PLCH1: variants seen among roughly 807,000 people sequenced by gnomAD.
PLCH1 encodes 1-phosphatidylinositol 4,5-bisphosphate phosphodiesterase eta-1.
Under a neutral mutation model 126.7 loss-of-function variants are expected in PLCH1, and 60 were observed. That is an observed-to-expected ratio of 0.47 (90% CI 0.38 to 0.59). PLCH1 has a LOEUF of 0.59. PLCH1 is among the 20% of genes least tolerant of loss of function. The pLI, the probability that PLCH1 is intolerant of heterozygous loss-of-function variation, is 0.00. For synonymous variants in PLCH1, 719 were observed against 734.9 expected (o/e 0.98, Z 0.35); for missense variants, 1,723 against 2,040.0 (o/e 0.84, Z 2.99).
intron 2 of PLCH1, among the ~76,000 whole-genome samples, chr3:155,695,282 G>C (rs1745710680): frequency 6.6e-6 from 1 of 152,180 alleles, no homozygotes; most frequent in Non-Finnish European, 1.5e-5. Flanking sequence ...TTATGCATTT[G>C]TAATATACAG....
intron 11 of PLCH1, among the ~76,000 whole-genome samples, chr3:155,523,005 C>T (rs545020741): frequency 3.3e-5 from 5 of 151,616 alleles, no homozygotes; most frequent in African/African-American, 9.7e-5. Flanking sequence ...GACGGAGTCT[C>T]GCTCTGTCGC....
At chr3:155,546,703 G>T (rs4680191) in intron 10 of PLCH1, among the ~76,000 whole-genome samples, 118,442 of 146,954 alleles carry the variant, frequency 0.81, 49,530 homozygotes, top group Middle Eastern at 0.95. Flanking sequence ...ATAGATCAAT[G>T]GAACAGAACA....
chr3:155,574,890 G>A (rs1729717384), intron 6 of PLCH1, among the ~76,000 whole-genome samples: 1 of 152,080 alleles, frequency 6.6e-6, no homozygotes, highest in African/African-American at 2.4e-5. Flanking sequence ...CAGCACTTTG[G>A]GAGGCCAAGG....
chr3:155,570,749 T>A (rs976520830), intron 6 of PLCH1, among the ~76,000 whole-genome samples: 13 of 152,188 alleles, frequency 8.5e-5, no homozygotes. Context: ...TGACTTCAAG[T>A]CCAAAGCACT....
At chr3:155,634,365 T>C (rs1738466536) in intron 2 of PLCH1, among the ~76,000 whole-genome samples, 1 of 152,098 alleles carries the variant, frequency 6.6e-6, no homozygotes, top group African/African-American at 2.4e-5. Flanking sequence ...GGAATAAGCA[T>C]TGCGCAAGGT....
intron 1 of PLCH1, among the ~76,000 whole-genome samples, chr3:155,709,110 G>A (rs1746903087): frequency 6.6e-6 from 1 of 152,164 alleles, no homozygotes; most frequent in African/African-American, 2.4e-5. Context: ...TGGCTTGAGA[G>A]CTCATTTCAT....
chr3:155,511,873 G>A (rs531073724), intron 12 of PLCH1, among the ~76,000 whole-genome samples: 22 of 152,190 alleles, frequency 1.4e-4, no homozygotes, highest in Admixed American at 4.6e-4. Context: ...GTTGTGGTGG[G>A]CTCCACCCAG....
At position 155,485,487 on chromosome 3, in the gene PLCH1, A is replaced by T; in HGVS notation, c.2843T>A (p.Val948Glu). 6.2e-7 allele frequency: 1 copy of T among 1,614,184 alleles called. No individual in the cohort carries two copies. The highest frequency in any genetic ancestry group is 8.5e-7 in the Non-Finnish European group (1 of 1,180,028). ...VSEATRDQDG[V>E]LRRTTRSLQA... ...CAAACTGCGTGTGGTCCTCCTCAGC[A>T]CGCCATCTTGATCTCTTGTGGCCTC... The change falls in exon 22 of 23, where the codon GTG (valine) becomes GAG (glutamate). Residue 948 changes from valine to glutamate, a missense_variant. This residue lies in a region of PLCH1 where 947 missense variants were observed against 977.1 expected (regional missense o/e 0.97). Transcript: ENST00000460012.
At chr3:155,729,278 C>A (rs1448883793) in intron 1 of PLCH1, among the ~76,000 whole-genome samples, 1 of 152,194 alleles carries the variant, frequency 6.6e-6, no homozygotes, top group Non-Finnish European at 1.5e-5. Flanking sequence ...CCTGTCCTCC[C>A]TACCCCTTCT....
At chr3:155,633,412 TCACACACACACACACACACA>T (rs59152066) in intron 2 of PLCH1, among the ~76,000 whole-genome samples, 1 of 142,356 alleles carries the variant, frequency 7.0e-6, no homozygotes, top group African/African-American at 2.6e-5. Flanking sequence ...TTATATAACA[TCACACACACACACACACACA>T]CACACACACA....
intron 2 of PLCH1, among the ~76,000 whole-genome samples, chr3:155,627,617 G>C (rs1737476227): frequency 6.8e-6 from 1 of 146,846 alleles, no homozygotes; most frequent in South Asian, 2.2e-4. Flanking sequence ...TTGGACGACA[G>C]AGCAAGACTC....
intron 2 of PLCH1, among the ~76,000 whole-genome samples, chr3:155,659,170 C>T (rs868688588): frequency 6.6e-6 from 1 of 152,064 alleles, no homozygotes; most frequent in African/African-American, 2.4e-5. Flanking sequence ...GGACACTGGG[C>T]ACAGTTAAAT....
chr3:155,505,671 G>C (rs1047660862), intron 12 of PLCH1, among the ~76,000 whole-genome samples: 11 of 152,134 alleles, frequency 7.2e-5, no homozygotes, highest in African/African-American at 2.7e-4. Flanking sequence ...GTAATGGTGA[G>C]GGGTTTACAA....
chr3:155,553,453 C>T (rs1465079873), intron 9 of PLCH1, among the ~76,000 whole-genome samples: 1 of 152,126 alleles, frequency 6.6e-6, no homozygotes, highest in Non-Finnish European at 1.5e-5. Flanking sequence ...GGGGAAAGTT[C>T]TGGACATAGA....
intron 2 of PLCH1, among the ~76,000 whole-genome samples, chr3:155,693,049 T>C (rs1032806502): frequency 9.2e-5 from 14 of 152,158 alleles, no homozygotes; most frequent in Non-Finnish European, 1.6e-4. Flanking sequence ...CCCAAAGTGC[T>C]GGGATTACAG....
chr3:155,482,671 CG>C lies in PLCH1; in HGVS notation c.3354del (p.Ser1118ArgfsTer8), dbSNP rs1714354420. On this transcript the variant is annotated frameshift_variant, in exon 23 of 23. Transcript: ENST00000460012. LOFTEE classifies it low-confidence loss of function (END_TRUNC). Reference protein sequence around the residue: ...FVEGKSILSGSVLSHSNLEIK... With the variant: ...FVEGKSILSGXVLSHSNLEIK... ...ATTTCTAGGTTGCTATGAGAAAGGA[CG>C]CTTCCTGACAAGATGCTTTTCCCTT... The C allele has an allele frequency of 1.2e-6, 2 of 1,614,168 alleles. No homozygotes were observed. Among genetic ancestry groups the C allele is most frequent in the Non-Finnish European group, 1.7e-6 (2 of 1,180,040 alleles).
At chr3:155,709,008 G>A (rs1440431607) in intron 1 of PLCH1, among the ~76,000 whole-genome samples, 2 of 152,150 alleles carry the variant, frequency 1.3e-5, no homozygotes, top group Non-Finnish European at 2.9e-5. Flanking sequence ...CCTTTTCCGG[G>A]ATGTCTTATG....
In PLCH1 at chr3:155,482,720, C is replaced by T. The variant is rs1400147343; in HGVS notation, c.3306G>A (p.Lys1102=). 1.2e-6 allele frequency: 2 copies of T among 1,614,192 alleles called. No individual in the cohort carries two copies. The highest frequency in any genetic ancestry group is 2.2e-5 in the East Asian group (1 of 44,884). ...CTTCCACAAAGTCCTCAGGATTACCCTTTTCCTTGATTTTCACACCATGCA... is the reference window on the plus strand; with the variant it reads ...CTTCCACAAAGTCCTCAGGATTACCTTTTTCCTTGATTTTCACACCATGCA... ...QDLHGVKIKE[K]GNPEDFVEGK... Residue 1102 remains lysine, a synonymous_variant, in exon 23 of 23, where the codon AAG becomes AAA. Coordinates refer to ENST00000460012, the MANE Select transcript of PLCH1 (RefSeq NM_014996.4).
intron 2 of PLCH1, chr3:155,675,854 T>C (rs1158642610): frequency 5.9e-6 from 3 of 505,402 alleles, no homozygotes; most frequent in Non-Finnish European, 6.9e-6. Context: ...CTTTGTTACC[T>C]CATTTCATAC....
Sources: allele counts gnomAD v4.1 joint callset (sites outside exome capture counted in the v4.1 genomes callset), GRCh38; gene constraint gnomAD v4.1.1; regional missense constraint gnomAD v4.1.1; transcripts MANE v1.5; gene names NCBI Gene and HGNC (gene_info 2026-07-23, HGNC 2026-07-21).